SLCO2A1: variants seen among roughly 807,000 people sequenced by gnomAD.
SLCO2A1 encodes matrin F/G 1.
SLCO2A1 carries 60 observed loss-of-function variants against 71.7 expected under a neutral mutation model. That is an observed-to-expected ratio of 0.84 (90% confidence interval 0.68 to 1.04). SLCO2A1 has a LOEUF of 1.04. Ranked by LOEUF, SLCO2A1 falls within the 50% of genes least tolerant of loss-of-function variation. The pLI is 0.00. For synonymous variants in SLCO2A1, 308 were observed against 326.7 expected (o/e 0.94, Z 0.62); for missense variants, 745 against 813.4 (o/e 0.92, Z 1.02).
At chr3:133,970,185 A>AC (rs1934291552) in intron 3 of SLCO2A1, among the ~76,000 whole-genome samples, 1 of 152,210 alleles carries the variant, frequency 6.6e-6, no homozygotes, top group African/African-American at 2.4e-5. Flanking sequence ...AAAAGCCACC[A>AC]CTTAGTGATT....
At chr3:133,941,059 T>C (rs748284844) in intron 11 of SLCO2A1, among the ~76,000 whole-genome samples, 17 of 152,194 alleles carry the variant, frequency 1.1e-4, no homozygotes, top group Non-Finnish European at 2.1e-4. Flanking sequence ...CTTTCTGTGC[T>C]GTAATAAAGT....
chr3:134,027,875 A>C (rs959524613), intron 1 of SLCO2A1, among the ~76,000 whole-genome samples: 2 of 152,236 alleles, frequency 1.3e-5, no homozygotes, highest in Non-Finnish European at 2.9e-5. Context: ...AGTGGAGTTA[A>C]ATGGAAGTCC....
intron 3 of SLCO2A1, among the ~76,000 whole-genome samples, chr3:133,969,411 A>G (rs114588332): frequency 0.045 from 6,833 of 152,236 alleles, 501 homozygotes; most frequent in African/African-American, 0.16. Context: ...GCCTGGTGAC[A>G]GAGCCTTGAT....
chr3:134,006,758 A>G (rs1463188841), intron 1 of SLCO2A1, among the ~76,000 whole-genome samples: 3 of 152,206 alleles, frequency 2.0e-5, no homozygotes, highest in African/African-American at 7.2e-5. Context: ...CGTTTTGGCT[A>G]TCGTGAATGG....
chr3:134,024,096 C>T (rs954953504), intron 1 of SLCO2A1, among the ~76,000 whole-genome samples: 2 of 152,176 alleles, frequency 1.3e-5, no homozygotes, highest in African/African-American at 4.8e-5. Context: ...ATCAGTCAGC[C>T]CTTGTTCATC....
chr3:133,979,598 GC>G lies in SLCO2A1; in HGVS notation c.116del (p.Gly39AlafsTer38), dbSNP rs775627885. The G allele has an allele frequency of 3.1e-6, 5 of 1,613,140 alleles. No homozygotes were observed. In the African/African-American group the frequency reaches 6.7e-5, roughly 22 times the overall value. On this transcript the variant is annotated frameshift_variant, in exon 2 of 14. Coordinates refer to ENST00000310926, the MANE Select transcript of SLCO2A1 (RefSeq NM_005630.3). LOFTEE classifies it high-confidence loss of function. The part of the protein sequence containing the change: ...GNIKVFVLCQ[G>X]LLQLCQLLYS... ...ACAGGAGTTGGCAGAGCTGCAGGAG[GC>G]CTTGGCAGAGCACAAACACCTGGGG... is the stretch of plus-strand genomic sequence containing the variant.
intron 3 of SLCO2A1, among the ~76,000 whole-genome samples, chr3:133,957,109 G>A (rs895202394): frequency 8.5e-5 from 13 of 152,206 alleles, no homozygotes; most frequent in African/African-American, 3.1e-4. Context: ...CTCTAGGCCT[G>A]CAACAGTGGA....
At chr3:134,001,678 G>A (rs1420048597) in intron 1 of SLCO2A1, among the ~76,000 whole-genome samples, 1 of 152,162 alleles carries the variant, frequency 6.6e-6, no homozygotes, top group Non-Finnish European at 1.5e-5. Context: ...TGAAAGGTGA[G>A]AGTGAGGGGC....
At position 133,951,283 on chromosome 3, in the gene SLCO2A1, G is replaced by C. The variant is rs745742250; in HGVS notation, c.786C>G (p.Leu262=). 2 of 1,614,022 alleles carry C rather than the reference G, an allele frequency of 1.2e-6. No homozygotes were observed. Among genetic ancestry groups the C allele is most frequent in the African/African-American group, 2.7e-5 (2 of 74,942 alleles). ...RWIGAWWLGL[L]ISSALLVLTS... is the part of the protein sequence containing the mutation. ...TGAGAACCAATAAAGCTGAAGAAAT[G>C]AGCAGGCCTAGCCACCAGGCTCCAA... Residue 262 remains leucine (L), a synonymous_variant, in exon 6 of 14, where the codon CTC becomes CTG. Coordinates refer to ENST00000310926, the MANE Select transcript of SLCO2A1 (RefSeq NM_005630.3).
intron 1 of SLCO2A1, among the ~76,000 whole-genome samples, chr3:134,008,361 G>A (rs938902475): frequency 2.0e-5 from 3 of 152,064 alleles, no homozygotes; most frequent in Non-Finnish European, 2.9e-5. Flanking sequence ...GATGACAGGA[G>A]GTCAATAAGA....
Position 133,935,893 on chromosome 3 carries a change from C to A in SLCO2A1, c.1695G>T (p.Trp565Cys). The A allele has an allele frequency of 6.3e-7, 1 of 1,595,528 alleles. No homozygotes were observed. Among genetic ancestry groups the A allele is most frequent in the Non-Finnish European group, 8.5e-7 (1 of 1,169,780 alleles). ...GGCCATAGAGGGCTGGAGATGGCAG[C>A]CAGGCTGGAAGAGGGTTCAGAAAGC... ...VQFLLMRLLA[W>C]LPSPALYGLT... The change falls in exon 13 of 14, where the codon TGG becomes TGT. Residue 565 changes from tryptophan (W) to cysteine (C), a missense_variant. Transcript: ENST00000310926.
intron 9 of SLCO2A1, among the ~76,000 whole-genome samples, chr3:133,945,537 C>T (rs1474298449): frequency 6.6e-6 from 1 of 152,194 alleles, no homozygotes; most frequent in East Asian, 1.9e-4. Context: ...TCCCTTGCCA[C>T]AGTAGGCGTC....
intron 11 of SLCO2A1, among the ~76,000 whole-genome samples, chr3:133,941,807 A>G (rs1933430740): frequency 6.6e-6 from 1 of 151,930 alleles, no homozygotes; most frequent in South Asian, 2.1e-4. Flanking sequence ...TGACTCTGAA[A>G]CTTTCCACGT....
At chr3:134,021,984 CA>C (rs34171405) in intron 1 of SLCO2A1, among the ~76,000 whole-genome samples, 103,108 of 134,300 alleles carry the variant, frequency 0.77, 37,852 homozygotes, top group East Asian at 0.96. Context: ...GCTTTGCTAA[CA>C]AAAAAAAAAA....
chr3:133,951,038 C>T, intron 6 of SLCO2A1, 170 bp downstream of exon 6: 1 of 849,252 alleles, frequency 1.2e-6, no homozygotes, highest in Non-Finnish European at 1.9e-6. Flanking sequence ...GGAAATTCAC[C>T]AACACCCTCA....
chr3:133,944,999 G>T, intron 10 of SLCO2A1, 96 bp downstream of exon 10: 1 of 1,395,474 alleles, frequency 7.2e-7, no homozygotes. Flanking sequence ...GTGGAGCCCT[G>T]CCTATCCTGG....
intron 3 of SLCO2A1, among the ~76,000 whole-genome samples, chr3:133,958,514 T>C (rs1021305544): frequency 5.9e-5 from 9 of 152,202 alleles, no homozygotes; most frequent in Non-Finnish European, 1.5e-5. Context: ...CATGGCCCCA[T>C]GCTCTTCTCA....
chr3:133,935,798 T>C lies in SLCO2A1; in HGVS notation c.1790A>G (p.Tyr597Cys), dbSNP rs369594977. The C allele has an allele frequency of 3.7e-6, 6 of 1,608,268 alleles. No individual in the cohort carries two copies. The African/African-American group carries it at 4.0e-5, about 11-fold the overall frequency. The change falls in exon 13 of 14, where the codon TAT (tyrosine) becomes TGT (cysteine). Residue 597 changes from tyrosine to cysteine, a missense_variant. Transcript: ENST00000310926. ...CCTGTCTCGGAGAGCATCGTTGTCA[T>C]AGTAGGCGCAGGCCCCTCGCCTCCC... ...CLGRRGACAY[Y>C]DNDALRDRYL...
chr3:133,986,612 C>T (rs1056247137), intron 1 of SLCO2A1, among the ~76,000 whole-genome samples: 17 of 152,156 alleles, frequency 1.1e-4, no homozygotes, highest in Non-Finnish European at 2.5e-4. Flanking sequence ...AGGAAGGAAG[C>T]GGGGAAACTG....
Sources: allele counts gnomAD v4.1 joint callset (sites outside exome capture counted in the v4.1 genomes callset), GRCh38; gene constraint gnomAD v4.1.1; transcripts MANE v1.5; gene names NCBI Gene and HGNC (gene_info 2026-07-23, HGNC 2026-07-21).